ADGRE3: variants seen among roughly 807,000 people sequenced by gnomAD.
ADGRE3 encodes EGF-like module receptor 3.
A neutral mutation model predicts 80.1 loss-of-function variants in ADGRE3; 88 were observed. The ratio of observed to expected loss-of-function variants is 1.10; its 90% CI spans 0.93 to 1.31. The LOEUF (loss-of-function observed/expected upper bound fraction) is 1.31. Ranked by LOEUF, ADGRE3 falls within the 40% of genes most tolerant of loss-of-function variation. The pLI is 0.00. For synonymous variants in ADGRE3, 281 were observed against 294.8 expected (o/e 0.95, Z 0.48); for missense variants, 715 against 776.5 (o/e 0.92, Z 0.94).
intron 14 of ADGRE3, among the ~76,000 whole-genome samples, chr19:14,627,300 T>C (rs1970760511): frequency 6.6e-6 from 1 of 152,262 alleles, no homozygotes; most frequent in South Asian, 2.1e-4. Context: ...TACCTACATA[T>C]AAATAAATAC....
chr19:14,607,549 TATTATTTA>T, the ADGRE3 span, among the ~76,000 whole-genome samples: 3 of 127,136 alleles, frequency 2.4e-5, no homozygotes, highest in African/African-American at 9.4e-5. Flanking sequence ...TATTTTATTT[TATTATTTA>T]TTTATTTATT....
chr19:14,662,668 G>A (rs1262409701), intron 3 of ADGRE3, among the ~76,000 whole-genome samples: 2 of 151,952 alleles, frequency 1.3e-5, no homozygotes, highest in African/African-American at 2.4e-5. Context: ...TTACAGGCGC[G>A]AGCCACCATG....
At chr19:14,673,430 G>A (rs775877949) in intron 1 of ADGRE3, among the ~76,000 whole-genome samples, 10 of 152,218 alleles carry the variant, frequency 6.6e-5, no homozygotes, top group Non-Finnish European at 1.3e-4. Context: ...GATTTCATCC[G>A]TACAGAGATG....
Position 14,625,565 on chromosome 19 carries a change from A to G in ADGRE3, c.1847T>C (p.Ile616Thr), listed in dbSNP as rs757988080. ...CTCAGACTCAGATTTTGATTTTACG[A>G]TCTCTCTAAACCACTTTTGATATTG... The part of the protein sequence containing the change: ...QKQYQKWFRE[I>T]VKSKSESETY... Residue 616 changes from isoleucine to threonine, a missense_variant, in exon 15 of 16, where the codon ATC becomes ACC. Transcript: ENST00000253673. The G allele has an allele frequency of 6.2e-7, 1 of 1,613,774 alleles. No homozygotes were observed. Among genetic ancestry groups the G allele is most frequent in the Non-Finnish European group, 8.5e-7 (1 of 1,179,724 alleles).
chr19:14,635,312 C>T (rs1971006509), intron 11 of ADGRE3, among the ~76,000 whole-genome samples: 1 of 151,776 alleles, frequency 6.6e-6, no homozygotes, highest in South Asian at 2.1e-4. Flanking sequence ...GCTATGTTGC[C>T]CAGCCTGGTC....
chr19:14,620,561 TATATATA>T lies in ADGRE3; in HGVS notation c.1921-1097_1921-1091del, dbSNP rs1568471628. On this transcript the variant is annotated intron_variant, in intron 15 of 15. Transcript: ENST00000253673. ...TTTATATATATATTATATATATATATATATATATTTTTTTTTTTTTTTTTTTTTTTTT... is the reference window on the plus strand; with the variant it reads ...TTTATATATATATTATATATATATATTTTTTTTTTTTTTTTTTTTTTTTTT... Among the ~76,000 whole-genome samples, 13 of 39,242 alleles carry T rather than the reference TATATATA, an allele frequency of 3.3e-4. 3 individuals are homozygous for T. The highest frequency in any genetic ancestry group is 1.4e-3 in the African/African-American group (12 of 8,648). 25.7% of individuals were successfully genotyped at this position (39,242 alleles called of 152,430 possible).
the ADGRE3 span, among the ~76,000 whole-genome samples, chr19:14,600,902 T>A: frequency 3.4e-5 from 3 of 89,318 alleles, no homozygotes; most frequent in African/African-American, 7.6e-5. Context: ...TTTTTTTTTT[T>A]TTTTTTTTTT....
chr19:14,663,645 C>G, intron 2 of ADGRE3, 105 bp from the exon 3 acceptor site: 1 of 1,367,296 alleles, frequency 7.3e-7, no homozygotes. Flanking sequence ...TCAAGAGCAG[C>G]CTGGCCAACA....
At chr19:14,632,713 A>G (rs1970918302) in intron 13 of ADGRE3, among the ~76,000 whole-genome samples, 1 of 114,048 alleles carries the variant, frequency 8.8e-6, no homozygotes, top group Admixed American at 9.0e-5. Context: ...CTTCTATTTT[A>G]TTCTTTTTTT....
intron 2 of ADGRE3, among the ~76,000 whole-genome samples, chr19:14,665,934 G>GTATATATATA (rs1599652992): frequency 1.1e-4 from 1 of 8,744 alleles, no homozygotes; most frequent in South Asian, 5.5e-3. Flanking sequence ...ACACACATAT[G>GTATATATATA]TGTATATATA....
chr19:14,629,463 C>G (rs374683406), intron 14 of ADGRE3, among the ~76,000 whole-genome samples: 11 of 152,120 alleles, frequency 7.2e-5, no homozygotes, highest in African/African-American at 2.4e-4. Context: ...GTGTGACTTT[C>G]TTTGGCTAAT....
At position 14,643,922 on chromosome 19, in the gene ADGRE3, G is replaced by A. The variant is rs571662658; in HGVS notation, c.1050+186C>T. On this transcript the variant is annotated intron_variant, in intron 9 of 15. Transcript: ENST00000253673. ...GATGGGTTTTTGCCATGTTGGCCAG[G>A]CTGGTTTCAAACTCTTGACCTCAGG... Among the ~76,000 whole-genome samples, 572 of 152,008 alleles carry A rather than the reference G, an allele frequency of 3.8e-3. 3 individuals carry two copies. The highest frequency in any genetic ancestry group is 0.013 in the African/African-American group (520 of 41,466).
At position 14,665,970 on chromosome 19, in the gene ADGRE3, A is replaced by ATATATATATATATATG. The variant is rs1568500876; in HGVS notation, c.77-2431_77-2430insCATATATATATATATA. On this transcript the variant is annotated intron_variant, in intron 2 of 15. Transcript: ENST00000253673. ...TATATATATATATATATATATATAT[A>ATATATATATATATATG]TATATATAGTGTTTTCTTTATCCAC... Among the ~76,000 whole-genome samples, 10 of 130,110 alleles carry ATATATATATATATATG rather than the reference A, an allele frequency of 7.7e-5. 1 individual carries two copies. Among genetic ancestry groups the ATATATATATATATATG allele is most frequent in the African/African-American group, 2.5e-4 (9 of 36,226 alleles). The allele number at this position is 130,110 out of a possible 152,430, so 85.4% of individuals were successfully genotyped here.
chr19:14,668,996 A>C (rs1972179422), intron 1 of ADGRE3, 144 bp from the exon 2 acceptor site: 1 of 729,536 alleles, frequency 1.4e-6, no homozygotes, highest in Non-Finnish European at 2.3e-6. Context: ...ATTTTTGTTG[A>C]GTATGGAGAT....
At chr19:14,655,298 C>G in intron 5 of ADGRE3, 133 bp from the exon 6 acceptor site, 2 of 715,936 alleles carry the variant, frequency 2.8e-6, no homozygotes, top group Non-Finnish European at 4.5e-6. Context: ...GGCACTTCAT[C>G]ATGTCCCAGC....
the ADGRE3 span, among the ~76,000 whole-genome samples, chr19:14,613,395 ATTTTTT>A: frequency 3.5e-5 from 5 of 143,712 alleles, no homozygotes; most frequent in South Asian, 2.2e-4. Flanking sequence ...GCTAATTTTA[ATTTTTT>A]TTTTTTTTTG....
chr19:14,617,953 C>CT (rs1414872228), downstream of ADGRE3, among the ~76,000 whole-genome samples: 1 of 151,928 alleles, frequency 6.6e-6, no homozygotes. Context: ...AAATGTATTC[C>CT]TTTTTTATTA....
At position 14,644,134 on chromosome 19, in the gene ADGRE3, C is replaced by G; in HGVS notation, c.1024G>C (p.Ala342Pro). The G allele has an allele frequency of 6.4e-7, 1 of 1,572,414 alleles. No homozygotes were observed. The highest frequency in any genetic ancestry group is 8.6e-7 in the Non-Finnish European group (1 of 1,161,442). The part of the protein sequence containing the change: ...MCNCSHLSSF[A>P]VLMALTSQEE... ...TGGCTGGTCAGGGCCATCAGGACAGCGAAGCTGGACAGGTGACTGCAATTA... is the reference window on the plus strand; with the variant it reads ...TGGCTGGTCAGGGCCATCAGGACAGGGAAGCTGGACAGGTGACTGCAATTA... Residue 342 changes from alanine (A) to proline (P), a missense_variant, in exon 9 of 16, where the codon GCT becomes CCT. Transcript: ENST00000253673.
chr19:14,633,666 C>T (rs944171248), intron 11 of ADGRE3, among the ~76,000 whole-genome samples: 1 of 148,796 alleles, frequency 6.7e-6, no homozygotes, highest in African/African-American at 2.5e-5. Flanking sequence ...GATCGCGCCA[C>T]CGCACTCCAG....
Sources: allele counts gnomAD v4.1 joint callset (sites outside exome capture counted in the v4.1 genomes callset), GRCh38; gene constraint gnomAD v4.1.1; transcripts MANE v1.5; gene names NCBI Gene and HGNC (gene_info 2026-07-23, HGNC 2026-07-21).